Variants in OPCML observed in about 807,000 individuals in gnomAD.
OPCML encodes the protein opioid binding protein/cell adhesion molecule like, also known as opioid-binding protein/cell adhesion molecule.
A neutral mutation model predicts 37.8 loss-of-function variants in OPCML; 13 were observed. That is an observed-to-expected ratio of 0.34 (90% CI 0.22 to 0.55). The LOEUF (loss-of-function observed/expected upper bound fraction) is 0.55. Ranked by LOEUF, OPCML falls within the 20% of genes least tolerant of loss-of-function variation. The pLI is 0.91. For missense variants in OPCML, 341 were observed against 435.6 expected (o/e 0.78, Z 1.93); for synonymous variants, 176 against 168.8 (o/e 1.04, Z -0.33).
intron 1 of OPCML, among the ~76,000 whole-genome samples, chr11:133,330,020 C>T (rs1943579477): frequency 6.6e-6 from 1 of 152,136 alleles, no homozygotes; most frequent in Non-Finnish European, 1.5e-5. Context: ...AAAAAGTGGG[C>T]AAAGGATATG....
chr11:132,713,682 T>C (rs540651949), intron 2 of OPCML, among the ~76,000 whole-genome samples: 1 of 152,232 alleles, frequency 6.6e-6, no homozygotes, highest in East Asian at 1.9e-4. Flanking sequence ...CTGGTTTCCA[T>C]TCCATTTCTT....
At chr11:133,207,425 C>T (rs928911287) in intron 1 of OPCML, among the ~76,000 whole-genome samples, 1 of 152,288 alleles carries the variant, frequency 6.6e-6, no homozygotes, top group Non-Finnish European at 1.5e-5. Flanking sequence ...TCAGATGTTT[C>T]TCCAACTAAT....
At chr11:132,453,331 AC>A (rs754031370) in intron 4 of OPCML, among the ~76,000 whole-genome samples, 6 of 152,310 alleles carry the variant, frequency 3.9e-5, no homozygotes, top group South Asian at 2.1e-4. Flanking sequence ...TATCACTAGC[AC>A]CAAAGCTGAG....
At position 133,125,652 on chromosome 11, in the gene OPCML, A is replaced by G. The variant is rs149833265; in HGVS notation, c.62-182642T>C. On this transcript the variant is annotated intron_variant, in intron 1 of 7. Coordinates refer to ENST00000524381, the MANE Select transcript of OPCML (RefSeq NM_001012393.5). ...GTATATAGTATATATACATGTGTCT[A>G]TATATACATGTATATAGTATAGTAT... 4.7e-3 allele frequency among the ~76,000 whole-genome samples: 492 copies of G among 105,426 alleles called. 12 individuals carry two copies. The highest frequency in any genetic ancestry group is 0.03 in the East Asian group (83 of 2,746). 69.2% of individuals were successfully genotyped at this position (105,426 alleles called of 152,430 possible).
At chr11:133,030,341 C>A (rs1591929344) in intron 1 of OPCML, among the ~76,000 whole-genome samples, 2 of 152,340 alleles carry the variant, frequency 1.3e-5, no homozygotes, top group East Asian at 1.9e-4. Context: ...CACATGCTCA[C>A]AAACCCCCAA....
intron 3 of OPCML, among the ~76,000 whole-genome samples, chr11:132,583,545 T>C (rs187894456): frequency 9.9e-5 from 15 of 152,276 alleles, no homozygotes; most frequent in Admixed American, 9.8e-4. Context: ...AGCAATCCTC[T>C]CACCTTCGCT....
At chr11:133,087,823 G>A (rs1948839549) in intron 1 of OPCML, among the ~76,000 whole-genome samples, 2 of 152,186 alleles carry the variant, frequency 1.3e-5, no homozygotes, top group South Asian at 4.1e-4. Flanking sequence ...CTGGCTAGCT[G>A]AGCAGTCATA....
chr11:132,741,264 T>A (rs994767119), intron 2 of OPCML, among the ~76,000 whole-genome samples: 1 of 152,212 alleles, frequency 6.6e-6, no homozygotes, highest in Non-Finnish European at 1.5e-5. Flanking sequence ...GTATATCCCA[T>A]CATCAGGTAC....
intron 1 of OPCML, among the ~76,000 whole-genome samples, chr11:133,217,938 TG>T (rs533785190): frequency 7.3e-5 from 11 of 151,488 alleles, no homozygotes; most frequent in Non-Finnish European, 1.3e-4. Flanking sequence ...CCCAGCTACC[TG>T]GGAGGCTGAG....
At chr11:132,704,604 AAAAAG>A (rs755169662) in intron 2 of OPCML, among the ~76,000 whole-genome samples, 3 of 152,246 alleles carry the variant, frequency 2.0e-5, no homozygotes, top group Non-Finnish European at 2.9e-5. Context: ...CTCAGCAAGA[AAAAAG>A]AAATTTGTTT....
chr11:133,129,527 T>A (rs1949571909), intron 1 of OPCML, among the ~76,000 whole-genome samples: 1 of 152,174 alleles, frequency 6.6e-6, no homozygotes, highest in African/African-American at 2.4e-5. Flanking sequence ...TCAATAATAC[T>A]TATAGAAAAA....
intron 1 of OPCML, among the ~76,000 whole-genome samples, chr11:133,466,507 C>T (rs12290472): frequency 0.13 from 20,178 of 152,036 alleles, 3,194 homozygotes; most frequent in African/African-American, 0.38. Flanking sequence ...GGCCAGGAAA[C>T]CAGTTTTGCT....
In OPCML at chr11:132,553,269, C is replaced by T. The variant is rs112125282; in HGVS notation, c.380-24083G>A. Among the ~76,000 whole-genome samples, 7 of 152,266 alleles carry T rather than the reference C, an allele frequency of 4.6e-5. 1 individual carries two copies. The highest frequency in any genetic ancestry group is 7.2e-5 in the African/African-American group (3 of 41,558). The stretch of plus-strand genomic sequence containing the variant: ...CAGCATCTTCACTTAACAGATGGAT[C>T]GTGGCTTATGGATCAGAACTGAATG... On this transcript the variant is annotated intron_variant, in intron 3 of 7. Transcript: ENST00000524381.
chr11:133,425,985 T>G (rs1338327116), intron 1 of OPCML, among the ~76,000 whole-genome samples: 1 of 152,232 alleles, frequency 6.6e-6, no homozygotes, highest in Admixed American at 6.5e-5. Context: ...CATCAATTTG[T>G]GCTAGGAAGT....
chr11:132,676,101 C>T (rs1404435180), intron 2 of OPCML, among the ~76,000 whole-genome samples: 1 of 152,032 alleles, frequency 6.6e-6, no homozygotes, highest in East Asian at 1.9e-4. Flanking sequence ...ACATATAGAT[C>T]AATGGAATAG....
At chr11:133,390,313 A>T (rs1423579779) in intron 1 of OPCML, among the ~76,000 whole-genome samples, 4 of 152,096 alleles carry the variant, frequency 2.6e-5, no homozygotes, top group African/African-American at 9.6e-5. Flanking sequence ...CAAAAAAAAA[A>T]TTAGCCGGGT....
At chr11:133,500,884 T>C (rs1947896465) in intron 1 of OPCML, among the ~76,000 whole-genome samples, 1 of 150,122 alleles carries the variant, frequency 6.7e-6, no homozygotes. Context: ...GAGGGAGGAG[T>C]CTGAGTAGGG....
At chr11:133,379,659 G>T (rs959859679) in intron 1 of OPCML, among the ~76,000 whole-genome samples, 1 of 152,176 alleles carries the variant, frequency 6.6e-6, no homozygotes, top group African/African-American at 2.4e-5. Context: ...TTTCTCTAAA[G>T]TTAGGCTAAG....
At chr11:133,016,275 G>T (rs1198223565) in intron 1 of OPCML, among the ~76,000 whole-genome samples, 3 of 152,168 alleles carry the variant, frequency 2.0e-5, no homozygotes, top group Non-Finnish European at 2.9e-5. Flanking sequence ...CCTATTTGGG[G>T]CCCCTGCAGA....
Sources: allele counts gnomAD v4.1 joint callset (sites outside exome capture counted in the v4.1 genomes callset), GRCh38; gene constraint gnomAD v4.1.1; transcripts MANE v1.5; gene names NCBI Gene and HGNC (gene_info 2026-07-23, HGNC 2026-07-21).